C1orf159: variants seen among roughly 807,000 people sequenced by gnomAD.
The protein encoded by C1orf159 is uncharacterized protein C1orf159.
In C1orf159, 19 loss-of-function variants were observed where a neutral mutation model predicts 25.6. That is an observed-to-expected ratio of 0.74 (90% confidence interval 0.52 to 1.09). C1orf159 has a LOEUF of 1.09. C1orf159 is among the 50% of genes least tolerant of loss of function. C1orf159 has a pLI of 0.00. For missense variants in C1orf159, 274 were observed against 290.6 expected (o/e 0.94, Z 0.42); for synonymous variants, 139 against 124.7 (o/e 1.12, Z -0.77).
chr1:1,102,675 G>A lies in C1orf159; in HGVS notation c.-135-10572C>T, dbSNP rs1646118725. The stretch of plus-strand genomic sequence containing the variant: ...TTGCCAGGCGTAGTGGTGGGCACCT[G>A]TAGTCCCAGCTACTCAGGAGGCTGA... On this transcript the variant is annotated intron_variant, in intron 1 of 9. Transcript: ENST00000421241. 2.1e-5 allele frequency among the ~76,000 whole-genome samples: 3 copies of A among 144,460 alleles called. No individual in the cohort carries two copies. The South Asian group carries it at 6.6e-4, about 32-fold the overall frequency. 94.8% of individuals were successfully genotyped at this position (144,460 alleles called of 152,430 possible). A position where few individuals can be genotyped will look rare whatever the true frequency, so the allele number is the denominator to read the frequency against.
rs1376459234 is a variant in C1orf159, at chr1:1,092,001, A to G, written c.-33T>C. The G allele has an allele frequency of 4.4e-6, 2 of 457,670 alleles. No individual in the cohort carries two copies. The highest frequency in any genetic ancestry group is 4.7e-5 in the Admixed American group (2 of 42,554). 28.4% of individuals were successfully genotyped at this position (457,670 alleles called of 1,614,324 possible). On this transcript the variant is annotated 5_prime_UTR_variant, in exon 2 of 10. Transcript: ENST00000421241. ...TAGGCAGGGCCTTACCTGCCCCTCC[A>G]GGATGGGGACTACCGACATCAGCCC...
At chr1:1,088,344 CT>C (rs1645869978) in intron 4 of C1orf159, among the ~76,000 whole-genome samples, 1 of 115,466 alleles carries the variant, frequency 8.7e-6, no homozygotes, top group African/African-American at 3.5e-5. Context: ...CCCCCCACGC[CT>C]CCCCCAAGAC....
intron 9 of C1orf159, 50 bp downstream of exon 9, chr1:1,084,303 C>T: frequency 2.0e-6 from 3 of 1,525,514 alleles, no homozygotes; most frequent in Non-Finnish European, 2.6e-6. Flanking sequence ...CACCCTGGGA[C>T]TGGCCCAGAG....
chr1:1,086,166 G>T (rs956154718), intron 6 of C1orf159, among the ~76,000 whole-genome samples, 154 bp from the exon 7 acceptor site: 38 of 152,356 alleles, frequency 2.5e-4, no homozygotes, highest in African/African-American at 8.7e-4. Context: ...CTGCACATGG[G>T]CCTGGGTCAT....
chr1:1,090,797 G>A (rs956355523), intron 3 of C1orf159: 6 of 1,210,072 alleles, frequency 5.0e-6, no homozygotes, highest in Non-Finnish European at 6.0e-6. Flanking sequence ...AAGTGCCCGG[G>A]CCTGGCTGGC....
intron 1 of C1orf159, among the ~76,000 whole-genome samples, chr1:1,098,914 A>G (rs1646048571): frequency 6.6e-6 from 1 of 152,202 alleles, no homozygotes; most frequent in African/African-American, 2.4e-5. Context: ...GTGCAGCCTG[A>G]TATGTGTAAC....
In C1orf159 at chr1:1,085,886, C is replaced by T. The variant is rs377617555; in HGVS notation, c.437G>A (p.Arg146Lys). ...GCTGGTCCGGGAGATACCTTTGTTT[C>T]TTCTGTAGCAGGCCCTGGGGAGTTT... ...SSKLPRACYR[R>K]NKAPALQPGE... Residue 146 changes from arginine to lysine, a missense_variant, in exon 7 of 10, where the codon AGA becomes AAA. Arg to Lys is a conservative substitution (Grantham distance 26, BLOSUM62 2). Transcript: ENST00000421241. 3.1e-6 allele frequency: 5 copies of T among 1,613,206 alleles called. No individual in the cohort carries two copies. Among genetic ancestry groups the T allele is most frequent in the Admixed American group, 1.7e-5 (1 of 60,020 alleles).
intron 6 of C1orf159, 63 bp from the exon 7 acceptor site, chr1:1,086,075 C>T (rs1041868398): frequency 1.1e-5 from 17 of 1,582,282 alleles, no homozygotes; most frequent in Admixed American, 3.5e-5. Context: ...GCCTGGCCCC[C>T]GGTGCCCCCT....
intron 1 of C1orf159, among the ~76,000 whole-genome samples, chr1:1,096,732 C>T (rs1646014020): frequency 6.6e-6 from 1 of 152,082 alleles, no homozygotes; most frequent in South Asian, 2.1e-4. Context: ...ATCATAGTCT[C>T]CTATTATTTT....
In C1orf159 at chr1:1,091,196, G is replaced by T; in HGVS notation, c.72+276C>A. On this transcript the variant is annotated intron_variant, in intron 3 of 9. Transcript: ENST00000421241. ...CGCGGCACGCTGTGCTGTCACCGCTGGCAGAGGTGCTCCCATTGCGGGCCA... is the reference window on the plus strand; with the variant it reads ...CGCGGCACGCTGTGCTGTCACCGCTTGCAGAGGTGCTCCCATTGCGGGCCA... 3 of 615,210 alleles carry T rather than the reference G, an allele frequency of 4.9e-6. No homozygotes were observed. The South Asian group carries it at 5.9e-5, about 12-fold the overall frequency. The allele number at this position is 615,210 out of a possible 1,614,324, so 38.1% of individuals were successfully genotyped here.
intron 3 of C1orf159, chr1:1,090,647 C>CG (rs553665383): frequency 7.3e-6 from 5 of 686,598 alleles, no homozygotes; most frequent in East Asian, 5.4e-5. Flanking sequence ...CCTGGGTGGG[C>CG]GGTCTCCAAG....
At position 1,097,136 on chromosome 1, in the gene C1orf159, T is replaced by C. The variant is rs568138084; in HGVS notation, c.-135-5033A>G. Among the ~76,000 whole-genome samples, 4 of 152,298 alleles carry C rather than the reference T, an allele frequency of 2.6e-5. No homozygotes were observed. In the East Asian group the frequency reaches 7.7e-4, roughly 29 times the overall value. ...TATCTGTTTCTTTTGAGACCGAGTCTCACTCTGTTGCCCAGGCTGGAGTGC... is the reference window on the plus strand; with the variant it reads ...TATCTGTTTCTTTTGAGACCGAGTCCCACTCTGTTGCCCAGGCTGGAGTGC... On this transcript the variant is annotated intron_variant, in intron 1 of 9. Coordinates refer to ENST00000421241, the MANE Select transcript of C1orf159 (RefSeq NM_017891.5).
At chr1:1,091,647 C>A in intron 2 of C1orf159, 82 bp from the exon 3 acceptor site, 1 of 860,152 alleles carries the variant, frequency 1.2e-6, no homozygotes, top group Non-Finnish European at 1.7e-6. Flanking sequence ...AAAGTGGGGT[C>A]AAGAGATGTT....
At chr1:1,111,685 C>G (rs1173288516) in intron 1 of C1orf159, among the ~76,000 whole-genome samples, 2 of 152,236 alleles carry the variant, frequency 1.3e-5, no homozygotes, top group African/African-American at 4.8e-5. Flanking sequence ...GTAACTCCAG[C>G]CGCCCAGGCA....
At chr1:1,111,367 A>C (rs1646254629) in intron 1 of C1orf159, among the ~76,000 whole-genome samples, 1 of 48,120 alleles carries the variant, frequency 2.1e-5, no homozygotes, top group South Asian at 5.2e-4. Context: ...ATCTCTACCA[A>C]AAAAAAAAAA....
intron 3 of C1orf159, chr1:1,090,817 G>T: frequency 7.1e-7 from 1 of 1,407,188 alleles, no homozygotes; most frequent in Non-Finnish European, 9.8e-7. Flanking sequence ...CATTTCAGGG[G>T]ACGAATTCAC....
At chr1:1,104,018 C>T (rs368323166) in intron 1 of C1orf159, among the ~76,000 whole-genome samples, 4 of 151,806 alleles carry the variant, frequency 2.6e-5, no homozygotes, top group Middle Eastern at 3.4e-3. Flanking sequence ...GACAGAGTCT[C>T]GCTCTGTCAC....
intron 1 of C1orf159, among the ~76,000 whole-genome samples, chr1:1,112,237 G>A (rs1046615457): frequency 7.2e-5 from 11 of 152,250 alleles, no homozygotes; most frequent in South Asian, 2.1e-4. Flanking sequence ...TTCCCGATAC[G>A]ATCTCAGGAA....
chr1:1,084,145 G>T, intron 9 of C1orf159: 4 of 1,548,958 alleles, frequency 2.6e-6, no homozygotes, highest in Non-Finnish European at 3.5e-6. Flanking sequence ...GGCAGGGGGC[G>T]CCGGCCAAAT....
Sources: allele counts gnomAD v4.1 joint callset (sites outside exome capture counted in the v4.1 genomes callset), GRCh38; gene constraint gnomAD v4.1.1; transcripts MANE v1.5; gene names NCBI Gene and HGNC (gene_info 2026-07-23, HGNC 2026-07-21).